Variants in WWOX observed in about 807,000 individuals in gnomAD.
WWOX encodes the protein WW domain containing oxidoreductase.
In WWOX, 69 loss-of-function variants were observed where a neutral mutation model predicts 46.2. The ratio of observed to expected loss-of-function variants is 1.49; its 90% confidence interval spans 1.23 to 1.82. The LOEUF is 1.82. WWOX is among the 40% of genes most tolerant of loss of function. The pLI, the probability that WWOX is intolerant of heterozygous loss-of-function variation, is 0.00. For missense variants in WWOX, 919 were observed against 542.6 expected, an observed-to-expected ratio of 1.69 and a Z score of -6.89; for synonymous variants, 359 against 202.6, an observed-to-expected ratio of 1.77 and a Z score of -6.56.
intron 8 of WWOX, among the ~76,000 whole-genome samples, chr16:78,908,043 C>G (rs926357756): frequency 2.0e-5 from 3 of 152,194 alleles, no homozygotes; most frequent in Admixed American, 6.5e-5. Flanking sequence ...CCCTGGCATA[C>G]TAACCGTATG....
At chr16:79,105,133 G>A (rs529495652) in intron 8 of WWOX, among the ~76,000 whole-genome samples, 5 of 152,178 alleles carry the variant, frequency 3.3e-5, no homozygotes, top group Non-Finnish European at 5.9e-5. Flanking sequence ...GGTGGGTCCT[G>A]TAGCCCCAGA....
intron 8 of WWOX, among the ~76,000 whole-genome samples, chr16:78,611,954 A>T (rs886100198): frequency 6.6e-6 from 1 of 152,222 alleles, no homozygotes; most frequent in Non-Finnish European, 1.5e-5. Flanking sequence ...GTAGCAAAGA[A>T]CAGAACAGCC....
chr16:78,734,480 T>A (rs2049037636), intron 8 of WWOX, among the ~76,000 whole-genome samples: 2 of 151,866 alleles, frequency 1.3e-5, no homozygotes, highest in African/African-American at 4.8e-5. Context: ...GGTCTGCGGG[T>A]TGACATTTCT....
chr16:78,578,359 G>A lies in WWOX; in HGVS notation c.1056+145607G>A, dbSNP rs868312232. Among the ~76,000 whole-genome samples, 20 of 129,688 alleles carry A rather than the reference G, an allele frequency of 1.5e-4. 1 individual carries two copies. The highest frequency in any genetic ancestry group is 5.7e-3 in the Middle Eastern group (1 of 174). The allele number at this position is 129,688 out of a possible 152,430, so 85.1% of individuals were successfully genotyped here. ...GGCTGGAGTGCAGTGGCGCAATCTC[G>A]GCTCACTGCAAGCTCCGCCTCCCGG... On this transcript the variant is annotated intron_variant, in intron 8 of 8. Coordinates refer to ENST00000566780, the MANE Select transcript of WWOX (RefSeq NM_016373.4).
intron 8 of WWOX, among the ~76,000 whole-genome samples, chr16:78,805,114 C>T (rs1022849251): frequency 3.3e-5 from 5 of 151,558 alleles, no homozygotes; most frequent in Admixed American, 6.6e-5. Context: ...AATATCACTA[C>T]CAAAATATCA....
chr16:78,515,895 T>G (rs1019574092), intron 8 of WWOX, among the ~76,000 whole-genome samples: 1 of 152,308 alleles, frequency 6.6e-6, no homozygotes, highest in East Asian at 1.9e-4. Flanking sequence ...GGTGAACATC[T>G]TTGGCCCATG....
At chr16:78,598,556 A>G (rs1449728781) in intron 8 of WWOX, among the ~76,000 whole-genome samples, 2 of 152,182 alleles carry the variant, frequency 1.3e-5, no homozygotes, top group East Asian at 3.9e-4. Flanking sequence ...TTGACCAGGC[A>G]GGCTCTCAGG....
At position 78,570,943 on chromosome 16, in the gene WWOX, A is replaced by T. The variant is rs138257076; in HGVS notation, c.1056+138191A>T. 4.4e-3 allele frequency among the ~76,000 whole-genome samples: 675 copies of T among 152,304 alleles called. 5 individuals are homozygous for T. The highest frequency in any genetic ancestry group is 5.6e-3 in the Non-Finnish European group (380 of 68,024). On this transcript the variant is annotated intron_variant, in intron 8 of 8. Transcript: ENST00000566780. ...CCAGGGGAAAAGTGTTTTGGGTAGAAGGAACAGAAAGTGAAACGGTGCCCT... is the reference window on the plus strand; with the variant it reads ...CCAGGGGAAAAGTGTTTTGGGTAGATGGAACAGAAAGTGAAACGGTGCCCT...
chr16:78,835,471 T>G (rs2051953121), intron 8 of WWOX, among the ~76,000 whole-genome samples: 1 of 152,146 alleles, frequency 6.6e-6, no homozygotes, highest in African/African-American at 2.4e-5. Context: ...AGTAGAGCAG[T>G]TGTGTGTTGA....
chr16:79,098,123 G>A (rs529930374), intron 8 of WWOX, among the ~76,000 whole-genome samples: 1 of 152,298 alleles, frequency 6.6e-6, no homozygotes, highest in Admixed American at 6.5e-5. Context: ...CTTTAGTCCA[G>A]CAAATTTCAA....
At chr16:78,321,318 ATATATATACG>A (rs1320284956) in intron 5 of WWOX, among the ~76,000 whole-genome samples, 78 of 95,818 alleles carry the variant, frequency 8.1e-4, no homozygotes, top group East Asian at 2.2e-3. Flanking sequence ...ATATATGCGT[ATATATATACG>A]TATATATGCG....
chr16:78,899,800 T>C (rs2044783582), intron 8 of WWOX, among the ~76,000 whole-genome samples: 1 of 152,202 alleles, frequency 6.6e-6, no homozygotes, highest in Non-Finnish European at 1.5e-5. Context: ...TTTATATTTG[T>C]GTTGTAGCTT....
At chr16:79,072,551 A>T (rs948817091) in intron 8 of WWOX, among the ~76,000 whole-genome samples, 8 of 152,228 alleles carry the variant, frequency 5.3e-5, no homozygotes, top group African/African-American at 1.9e-4. Context: ...ATTCATTTTG[A>T]CATGCTTTTC....
chr16:78,180,432 G>A (rs991473241), intron 5 of WWOX, among the ~76,000 whole-genome samples: 22 of 152,182 alleles, frequency 1.4e-4, no homozygotes, highest in African/African-American at 5.1e-4. Context: ...CCAAGAGTAG[G>A]GGGTATATGT....
intron 5 of WWOX, chr16:78,237,513 T>G (rs1040367240): frequency 1.3e-5 from 2 of 152,134 alleles, no homozygotes; most frequent in Non-Finnish European, 1.5e-5. Context: ...GTGCTTTCAC[T>G]TGGTCCCACT....
At chr16:78,562,172 C>A (rs1166968193) in intron 8 of WWOX, among the ~76,000 whole-genome samples, 1 of 152,154 alleles carries the variant, frequency 6.6e-6, no homozygotes. Flanking sequence ...AAATCTCTAG[C>A]TTCTCAAACT....
At chr16:78,626,121 C>A (rs576900538) in intron 8 of WWOX, among the ~76,000 whole-genome samples, 6 of 151,384 alleles carry the variant, frequency 4.0e-5, no homozygotes, top group Non-Finnish European at 7.4e-5. Context: ...TCCAGGATAC[C>A]ACTTTTATTT....
At position 78,386,066 on chromosome 16, in the gene WWOX, C is replaced by T. The variant is rs117611753; in HGVS notation, c.517-794C>T. ...CCAGTTCTCCTGGTTTCTTGCTAGGCGGGAACTTGGGCTTCTTTATCAGTG... is the reference window on the plus strand; with the variant it reads ...CCAGTTCTCCTGGTTTCTTGCTAGGTGGGAACTTGGGCTTCTTTATCAGTG... On this transcript the variant is annotated intron_variant, in intron 5 of 8. Coordinates refer to ENST00000566780, the MANE Select transcript of WWOX (RefSeq NM_016373.4). Among the ~76,000 whole-genome samples the T allele has an allele frequency of 7.9e-5, 12 of 152,138 alleles. No individual in the cohort carries two copies. In the East Asian group the frequency reaches 1.2e-3, roughly 15 times the overall value.
chr16:78,139,364 G>A (rs368797301), intron 4 of WWOX, among the ~76,000 whole-genome samples: 4 of 152,328 alleles, frequency 2.6e-5, no homozygotes, highest in African/African-American at 9.6e-5. Flanking sequence ...CAGACAGTAG[G>A]TCTGGCACTG....
Sources: gnomAD v4.1 joint callset for allele counts (sites outside exome capture counted in the v4.1 genomes callset) on GRCh38, gnomAD v4.1.1 for gene constraint, MANE v1.5 for transcripts, NCBI Gene and HGNC (gene_info 2026-07-23, HGNC 2026-07-21) for gene names.